The following DNAH7 variants were observed in gnomAD, a reference collection of about 807,000 sequenced individuals.
DNAH7 encodes the protein dynein axonemal heavy chain 7.
Under a neutral mutation model 444.6 loss-of-function variants are expected in DNAH7, and 397 were observed. The ratio of observed to expected loss-of-function variants is 0.89; its 90% confidence interval spans 0.82 to 0.97. DNAH7 has a LOEUF of 0.97. DNAH7 is among the 50% of genes least tolerant of loss of function. The pLI, the probability that DNAH7 is intolerant of heterozygous loss-of-function variation, is 0.00. For missense variants in DNAH7, 4,902 were observed against 4,800.8 expected (o/e 1.02, Z -0.62); for synonymous variants, 1,636 against 1,624.4 (o/e 1.01, Z -0.17).
intron 15 of DNAH7, among the ~76,000 whole-genome samples, chr2:195,978,766 G>A (rs191299525): frequency 6.4e-4 from 97 of 152,122 alleles, no homozygotes; most frequent in African/African-American, 1.5e-3. Context: ...AAAGAGACCC[G>A]GAGTAGCTAC....
intron 12 of DNAH7, among the ~76,000 whole-genome samples, chr2:195,992,372 T>C (rs1024555657): frequency 1.4e-4 from 22 of 152,160 alleles, no homozygotes; most frequent in African/African-American, 5.3e-4. Context: ...GTCTTCACCT[T>C]TGTTTTTTTC....
rs913329306 is a variant in DNAH7, at chr2:195,858,820, TAAAAC to T, written c.7737-21_7737-17del. On this transcript the variant is annotated splice_polypyrimidine_tract_variant and intron_variant, in intron 42 of 64. Transcript: ENST00000312428. Reference sequence around the variant, plus strand: ...CATTACTTCACTGGAAGGAAATAGATAAAACAAAGTTAATCATGAGGCTCTGTATC... The same window carrying T: ...CATTACTTCACTGGAAGGAAATAGATAAAGTTAATCATGAGGCTCTGTATC... 1.9e-6 allele frequency: 3 copies of T among 1,579,410 alleles called. No individual in the cohort carries two copies. Among genetic ancestry groups the T allele is most frequent in the African/African-American group, 1.4e-5 (1 of 73,332 alleles).
chr2:195,967,361 A>G (rs1348327351), intron 17 of DNAH7, among the ~76,000 whole-genome samples: 4 of 152,162 alleles, frequency 2.6e-5, no homozygotes, highest in Non-Finnish European at 5.9e-5. Flanking sequence ...CTCATCGTTT[A>G]GTCTTTCTAC....
chr2:195,758,396 G>A (rs1031636622), intron 61 of DNAH7, among the ~76,000 whole-genome samples: 9 of 152,106 alleles, frequency 5.9e-5, no homozygotes, highest in African/African-American at 2.2e-4. Context: ...GGTAACATAT[G>A]TTTTCCCAAG....
chr2:195,947,478 G>A (rs1269100445), intron 19 of DNAH7, among the ~76,000 whole-genome samples: 19 of 151,950 alleles, frequency 1.3e-4, no homozygotes, highest in Non-Finnish European at 2.1e-4. Context: ...AGTGTGTGAC[G>A]TTCCCCTCCC....
chr2:195,748,089 T>A (rs1314852055), intron 63 of DNAH7, among the ~76,000 whole-genome samples: 1 of 152,192 alleles, frequency 6.6e-6, no homozygotes, highest in Admixed American at 6.5e-5. Flanking sequence ...GAAAACCCCA[T>A]TGTCTCAGCC....
At position 195,936,602 on chromosome 2, in the gene DNAH7, G is replaced by T. The variant is rs775767907; in HGVS notation, c.3269C>A (p.Thr1090Asn). The change falls in exon 20 of 65, where the codon ACT (threonine) becomes AAT (asparagine). Residue 1090 changes from threonine to asparagine, a missense_variant. Coordinates refer to ENST00000312428, the MANE Select transcript of DNAH7 (RefSeq NM_018897.3). The stretch of plus-strand genomic sequence containing the variant: ...ATTCTACATGTAAATTACTTACCTA[G>T]TGGGATCTTTAGTCTCAGATAGTAT... ...LEILSETKDP[T>N]RVQPHLKKCF... is the part of the protein sequence containing the mutation. 2 of 1,579,662 alleles carry T rather than the reference G, an allele frequency of 1.3e-6. No homozygotes were observed. Among genetic ancestry groups the T allele is most frequent in the Non-Finnish European group, 1.7e-6 (2 of 1,169,684 alleles).
At chr2:196,039,544 TC>T (rs1183763788) in intron 5 of DNAH7, among the ~76,000 whole-genome samples, 1 of 152,110 alleles carries the variant, frequency 6.6e-6, no homozygotes. Flanking sequence ...ACGCCTGTAA[TC>T]CCAGCACTTT....
At position 195,881,989 on chromosome 2, in the gene DNAH7, T is replaced by C. The variant is rs896713830; in HGVS notation, c.5767A>G (p.Ile1923Val). The C allele has an allele frequency of 1.2e-6, 2 of 1,612,410 alleles. No homozygotes were observed. Among genetic ancestry groups the C allele is most frequent in the African/African-American group, 1.3e-5 (1 of 74,828 alleles). ...TTTATCCATGGTTCCCATTTTCCTATTCCCTGTTTATAATTAACAACCAAG... is the reference window on the plus strand; with the variant it reads ...TTTATCCATGGTTCCCATTTTCCTACTCCCTGTTTATAATTAACAACCAAG... ...IYDYQFVTEGIGKWEPWIKKL... is the reference protein window; with the variant it reads ...IYDYQFVTEGVGKWEPWIKKL... The change falls in exon 36 of 65, where the codon ATA becomes GTA. Residue 1923 changes from isoleucine to valine, a missense_variant. Coordinates refer to ENST00000312428, the MANE Select transcript of DNAH7 (RefSeq NM_018897.3).
intron 57 of DNAH7, among the ~76,000 whole-genome samples, chr2:195,793,756 C>A (rs1021968070): frequency 6.6e-6 from 1 of 152,054 alleles, no homozygotes; most frequent in African/African-American, 2.4e-5. Flanking sequence ...GTTCATAACC[C>A]CTCTTAAAAA....
chr2:196,041,671 C>T (rs538887647), intron 5 of DNAH7, among the ~76,000 whole-genome samples: 2 of 151,860 alleles, frequency 1.3e-5, no homozygotes, highest in South Asian at 4.2e-4. Context: ...GGGGTAAGAC[C>T]TCGAAAGCAT....
chr2:196,007,418 A>G (rs561446099), intron 10 of DNAH7, among the ~76,000 whole-genome samples: 1 of 152,308 alleles, frequency 6.6e-6, no homozygotes, highest in Admixed American at 6.5e-5. Flanking sequence ...ATAAGTTAAA[A>G]TGAATTTGGT....
At chr2:195,952,251 T>C (rs1000171982) in intron 19 of DNAH7, among the ~76,000 whole-genome samples, 1 of 152,238 alleles carries the variant, frequency 6.6e-6, no homozygotes, top group East Asian at 1.9e-4. Flanking sequence ...GAATGTTGAA[T>C]ATTGGCCCCT....
rs1695724909 is a variant in DNAH7 at position 196,026,912 on chromosome 2, A to G, written c.515T>C (p.Ile172Thr). 3 of 1,610,542 alleles carry G rather than the reference A, an allele frequency of 1.9e-6. No homozygotes were observed. The highest frequency in any genetic ancestry group is 2.2e-5 in the South Asian group (2 of 90,512). The change falls in exon 7 of 65, where the codon ATT becomes ACT. Residue 172 changes from isoleucine to threonine, a missense_variant. Physicochemically the swap from Ile to Thr is moderately conservative, Grantham distance 89. Coordinates refer to ENST00000312428, the MANE Select transcript of DNAH7 (RefSeq NM_018897.3). ...LRYYYYIHHG[I>T]DTDHVAPMED... ...CATTGGGGCTACATGGTCTGTATCAATTCCATGGTGAATATAATAGTAATA... is the reference window on the plus strand; with the variant it reads ...CATTGGGGCTACATGGTCTGTATCAGTTCCATGGTGAATATAATAGTAATA...
At chr2:195,804,696 C>A (rs749228802) in intron 54 of DNAH7, among the ~76,000 whole-genome samples, 1 of 152,042 alleles carries the variant, frequency 6.6e-6, no homozygotes, top group Non-Finnish European at 1.5e-5. Flanking sequence ...AGAATCTGAC[C>A]CTGGCAGTTA....
At chr2:195,985,706 AGCTC>A (rs1692861139) in intron 14 of DNAH7, among the ~76,000 whole-genome samples, 1 of 152,202 alleles carries the variant, frequency 6.6e-6, no homozygotes, top group Non-Finnish European at 1.5e-5. Context: ...AACTGGCACA[AGCTC>A]AGAGAACATT....
chr2:196,040,797 A>G (rs1696693100), intron 5 of DNAH7, among the ~76,000 whole-genome samples: 1 of 152,054 alleles, frequency 6.6e-6, no homozygotes, highest in East Asian at 1.9e-4. Context: ...TGCAAATGAC[A>G]TGATCTTATA....
At chr2:196,022,139 T>C (rs949597338) in intron 8 of DNAH7, among the ~76,000 whole-genome samples, 12 of 151,842 alleles carry the variant, frequency 7.9e-5, no homozygotes, top group Admixed American at 3.3e-4. Flanking sequence ...GAAAAAAAAA[T>C]GTATACACCT....
chr2:196,024,624 TA>T, intron 7 of DNAH7, 120 bp from the exon 8 acceptor site: 1 of 535,728 alleles, frequency 1.9e-6, no homozygotes, highest in Non-Finnish European at 3.0e-6. Flanking sequence ...AGTTGTTTAA[TA>T]ATGAGAAATT....
Sources: gnomAD v4.1 joint callset for allele counts (sites outside exome capture counted in the v4.1 genomes callset) on GRCh38, gnomAD v4.1.1 for gene constraint, MANE v1.5 for transcripts, NCBI Gene and HGNC (gene_info 2026-07-23, HGNC 2026-07-21) for gene names.